Variants in RBFOX2 observed in about 807,000 individuals in gnomAD.
The protein encoded by RBFOX2 is RNA binding fox-1 homolog 2, also known as RNA binding protein fox-1 homolog 2.
A neutral mutation model predicts 49.1 loss-of-function variants in RBFOX2; 10 were observed. The observed-to-expected ratio is 0.20, with a 90% confidence interval of 0.13 to 0.35. The LOEUF (loss-of-function observed/expected upper bound fraction) is 0.35, where lower values mean the gene tolerates loss of function less well. Among genes scored for constraint, RBFOX2 ranks in the 10% least tolerant of loss-of-function variants. The pLI is 1.00. For missense variants in RBFOX2, 323 were observed against 486.9 expected (o/e 0.66, Z 3.17); for synonymous variants, 183 against 187.4 (o/e 0.98, Z 0.19).
intron 1 of RBFOX2, among the ~76,000 whole-genome samples, chr22:36,010,961 T>C (rs1569523008): frequency 6.6e-6 from 1 of 152,126 alleles, no homozygotes; most frequent in African/African-American, 2.4e-5. Flanking sequence ...TATTAGAAAC[T>C]AAACCTTCCT....
chr22:35,945,300 GTTAA>G (rs919084565), intron 1 of RBFOX2, among the ~76,000 whole-genome samples: 2 of 152,184 alleles, frequency 1.3e-5, no homozygotes, highest in Non-Finnish European at 2.9e-5. Flanking sequence ...TTCGCAGCAA[GTTAA>G]TTGTTTTTCA....
At chr22:36,028,537 CGCGTGCGT>C (rs990342798) in exon 1 of RBFOX2, 10 of 947,418 alleles carry the variant, frequency 1.1e-5, no homozygotes, top group Admixed American at 1.2e-4. Flanking sequence ...CCCCCGCCCC[CGCGTGCGT>C]GCGTGCGTGC....
intron 9 of RBFOX2, among the ~76,000 whole-genome samples, chr22:35,754,342 C>A: frequency 6.6e-6 from 1 of 152,022 alleles, no homozygotes; most frequent in East Asian, 1.9e-4. Context: ...CTGCCCGCCT[C>A]GGCCTCCCAA....
At chr22:35,816,027 A>G (rs762504089) in intron 1 of RBFOX2, among the ~76,000 whole-genome samples, 6 of 152,330 alleles carry the variant, frequency 3.9e-5, no homozygotes, top group African/African-American at 9.6e-5. Context: ...TCTCAGAAAG[A>G]TAAGAAGACA....
chr22:35,739,011 G>A (rs1928420713), exon 12 of RBFOX2: 1 of 152,664 alleles, frequency 6.6e-6, no homozygotes, highest in Non-Finnish European at 1.5e-5. Flanking sequence ...GAAGGGAAGG[G>A]AATTAGAGAC....
chr22:35,978,328 A>G (rs2057297259), intron 1 of RBFOX2, among the ~76,000 whole-genome samples: 1 of 152,196 alleles, frequency 6.6e-6, no homozygotes, highest in African/African-American at 2.4e-5. Context: ...ATATAGCACA[A>G]AGAGATATGG....
chr22:35,822,017 A>G, intron 1 of RBFOX2: 1 of 512,096 alleles, frequency 2.0e-6, no homozygotes, highest in Non-Finnish European at 3.9e-6. Context: ...CCAAGCAATC[A>G]GCAAGGCCTA....
chr22:35,993,484 T>G (rs1329043781), intron 1 of RBFOX2: 1 of 152,152 alleles, frequency 6.6e-6, no homozygotes, highest in East Asian at 1.9e-4. Context: ...AAGCAAAAAT[T>G]TAAGTAGATC....
At chr22:35,912,483 C>A (rs1250442658) in intron 1 of RBFOX2, among the ~76,000 whole-genome samples, 2 of 152,266 alleles carry the variant, frequency 1.3e-5, no homozygotes, top group Non-Finnish European at 1.5e-5. Context: ...CTCTTCCTGT[C>A]CACCCAATTC....
At chr22:35,807,488 T>C (rs1342803707) in intron 2 of RBFOX2, among the ~76,000 whole-genome samples, 1 of 151,396 alleles carries the variant, frequency 6.6e-6, no homozygotes, top group Non-Finnish European at 1.5e-5. Context: ...AACAACATAC[T>C]CCTATGCAAC....
intron 1 of RBFOX2, among the ~76,000 whole-genome samples, chr22:35,912,250 A>C (rs144907510): frequency 8.4e-4 from 128 of 152,342 alleles, no homozygotes; most frequent in Non-Finnish European, 1.6e-3. Flanking sequence ...GGCAGAGCTA[A>C]ATCACAAGCA....
Position 35,792,331 on chromosome 22 carries a change from A to AG in RBFOX2, c.253-10586_253-10585insC, listed in dbSNP as rs1249267810. Among the ~76,000 whole-genome samples the AG allele has an allele frequency of 6.2e-5, 6 of 96,864 alleles. No homozygotes were observed. The East Asian group carries it at 1.4e-3, about 22-fold the overall frequency. The allele number at this position is 96,864 out of a possible 152,430, so 63.5% of individuals were successfully genotyped here. A position where few individuals can be genotyped will look rare whatever the true frequency, so the allele number is the denominator to read the frequency against. On this transcript the variant is annotated intron_variant, in intron 2 of 11. Coordinates refer to ENST00000405409, the Ensembl canonical transcript of RBFOX2. ...ACTCCGTCTCAAAAAAAAAAAAAAA[A>AG]AAAGAAAAGAAAAGAAAAGAAAAGA...
chr22:35,956,882 A>G (rs1395221770), intron 1 of RBFOX2, among the ~76,000 whole-genome samples: 1 of 152,234 alleles, frequency 6.6e-6, no homozygotes, highest in East Asian at 1.9e-4. Flanking sequence ...ATGGAGAATT[A>G]GTAATAGTAA....
intron 1 of RBFOX2, among the ~76,000 whole-genome samples, chr22:36,012,501 C>T (rs994978519): frequency 6.6e-6 from 1 of 152,146 alleles, no homozygotes; most frequent in Admixed American, 6.6e-5. Flanking sequence ...GGCAGAATCG[C>T]TTGAGGAGTT....
At chr22:35,775,776 G>T (rs1943726162) in intron 4 of RBFOX2, among the ~76,000 whole-genome samples, 1 of 147,942 alleles carries the variant, frequency 6.8e-6, no homozygotes, top group Admixed American at 6.7e-5. Flanking sequence ...AGGAGGCGGA[G>T]GTTGCAGTGA....
At chr22:35,857,392 A>C (rs560567757) in intron 1 of RBFOX2, among the ~76,000 whole-genome samples, 2 of 152,236 alleles carry the variant, frequency 1.3e-5, no homozygotes, top group Non-Finnish European at 2.9e-5. Flanking sequence ...TAGATATATA[A>C]GAGATGACGA....
exon 12 of RBFOX2, chr22:35,743,309 T>C (rs1930842104): frequency 6.6e-6 from 1 of 152,168 alleles, no homozygotes; most frequent in Non-Finnish European, 1.5e-5. Context: ...CCTAAATTCC[T>C]GAATCTTATG....
chr22:35,774,573 G>A (rs1033929698), intron 4 of RBFOX2, among the ~76,000 whole-genome samples: 3 of 152,102 alleles, frequency 2.0e-5, no homozygotes, highest in Non-Finnish European at 4.4e-5. Context: ...ATGTATGCAC[G>A]TGTGTGCACA....
In RBFOX2 at chr22:35,873,817, C is replaced by T. The variant is rs75451789; in HGVS notation, c.-33-63813G>A. On this transcript the variant is annotated intron_variant, in intron 1 of 13. Transcript: ENST00000359369. ...TCAGTCTCTCATGTAGCTGGGATTA[C>T]GGACAGGTGTCACCACGCCCAGCTA... Among the ~76,000 whole-genome samples, 698 of 152,210 alleles carry T rather than the reference C, an allele frequency of 4.6e-3. 3 individuals are homozygous for T. The highest frequency in any genetic ancestry group is 0.016 in the African/African-American group (666 of 41,532).
Sources: allele counts gnomAD v4.1 joint callset (sites outside exome capture counted in the v4.1 genomes callset), GRCh38; gene constraint gnomAD v4.1.1; transcripts MANE v1.5; gene names NCBI Gene and HGNC (gene_info 2026-07-23, HGNC 2026-07-21).